Variants in NEXMIF observed in about 807,000 individuals in gnomAD.
NEXMIF encodes XLMR protein related to neurite extension.
Under a neutral mutation model 62.1 loss-of-function variants are expected in NEXMIF, and 8 were observed. That is an observed-to-expected ratio of 0.13 (90% CI 0.08 to 0.23). The LOEUF (loss-of-function observed/expected upper bound fraction) is 0.23. Among genes scored for constraint, NEXMIF ranks in the 10% least tolerant of loss-of-function variants. NEXMIF has a pLI of 1.00. For synonymous variants in NEXMIF, 404 were observed against 416.6 expected (o/e 0.97, Z 0.37); for missense variants, 976 against 1,113.3 (o/e 0.88, Z 1.75).
At chrX:74,810,801 G>A (rs1253356840) in intron 1 of NEXMIF, among the ~76,000 whole-genome samples, 1 of 111,181 alleles carries the variant, frequency 9.0e-6, no homozygotes, top group Non-Finnish European at 1.9e-5. Context: ...TAATATGAAT[G>A]AAGGTTACCA....
Position 74,915,034 on chromosome X carries a change from C to A in NEXMIF, c.-48+9849G>T, listed in dbSNP as rs191505613. 3.0e-3 allele frequency among the ~76,000 whole-genome samples: 335 copies of A among 111,766 alleles called. 1 individual carries two copies. The highest frequency in any genetic ancestry group is 0.01 in the African/African-American group (308 of 30,777). On this transcript the variant is annotated intron_variant, in intron 1 of 3. Coordinates refer to ENST00000055682, the MANE Select transcript of NEXMIF (RefSeq NM_001008537.3). The stretch of plus-strand genomic sequence containing the variant: ...ATTGGTGATTGCAAGTTTGATATGG[C>A]AAAGGAGTGGGGGTGAATTACAAAG...
chrX:74,877,430 C>A (rs982175581), intron 1 of NEXMIF, among the ~76,000 whole-genome samples: 10 of 111,202 alleles, frequency 9.0e-5, no homozygotes, highest in African/African-American at 3.3e-4. Context: ...AGCATTTTTT[C>A]CTTAATTTCA....
chrX:74,878,298 C>CTCAGGGG (rs1176420344), intron 1 of NEXMIF, among the ~76,000 whole-genome samples: 1 of 111,994 alleles, frequency 8.9e-6, no homozygotes, highest in Non-Finnish European at 1.9e-5. Context: ...AGTTAGGCTG[C>CTCAGGGG]TCAGGGGTCA....
At chrX:74,798,668 G>T (rs1477450480) in intron 1 of NEXMIF, among the ~76,000 whole-genome samples, 1 of 111,862 alleles carries the variant, frequency 8.9e-6, no homozygotes, top group Admixed American at 9.5e-5. Context: ...TAGAGTATAG[G>T]CCTTTTATTT....
intron 1 of NEXMIF, among the ~76,000 whole-genome samples, chrX:74,762,982 C>T (rs1370722865): frequency 8.9e-6 from 1 of 111,933 alleles, no homozygotes; most frequent in African/African-American, 3.2e-5. Flanking sequence ...TAGATACCAT[C>T]TATCAATTTT....
intron 1 of NEXMIF, among the ~76,000 whole-genome samples, chrX:74,788,971 TATTTA>T (rs2080269095): frequency 9.1e-6 from 1 of 110,373 alleles, no homozygotes; most frequent in Admixed American, 9.7e-5. Flanking sequence ...TTTATTTATT[TATTTA>T]TTTTTATTTT....
chrX:74,881,974 C>A (rs755713234), intron 1 of NEXMIF, among the ~76,000 whole-genome samples: 1 of 111,471 alleles, frequency 9.0e-6, no homozygotes, highest in Non-Finnish European at 1.9e-5. Flanking sequence ...CATAGTCTCC[C>A]ATGTAGTGTT....
chrX:74,843,954 G>T (rs1470213117), intron 1 of NEXMIF, among the ~76,000 whole-genome samples: 1 of 112,083 alleles, frequency 8.9e-6, no homozygotes, highest in Non-Finnish European at 1.9e-5. Context: ...CTTCTTTCAA[G>T]ATCTCTTGTA....
intron 1 of NEXMIF, among the ~76,000 whole-genome samples, chrX:74,750,818 T>C (rs2080139731): frequency 8.9e-6 from 1 of 111,746 alleles, no homozygotes; most frequent in South Asian, 3.7e-4. Flanking sequence ...GTTTTAACAA[T>C]ATTAAGGGTG....
intron 1 of NEXMIF, among the ~76,000 whole-genome samples, chrX:74,837,735 G>T (rs1434078312): frequency 1.8e-5 from 2 of 111,937 alleles, no homozygotes; most frequent in African/African-American, 6.5e-5. Context: ...AACAAGAACA[G>T]CAATACAGGT....
intron 1 of NEXMIF, among the ~76,000 whole-genome samples, chrX:74,847,502 T>C (rs1171470807): frequency 3.6e-5 from 4 of 112,132 alleles, no homozygotes; most frequent in African/African-American, 1.3e-4. Context: ...CTAAGCAACA[T>C]ACTGGAGGGT....
In NEXMIF at chrX:74,796,160, T is replaced by TA. The variant is rs1384650941; in HGVS notation, c.-47-50464dup. Among the ~76,000 whole-genome samples, 87 of 49,393 alleles carry TA rather than the reference T, an allele frequency of 1.8e-3. 1 individual carries two copies. The highest frequency in any genetic ancestry group is 5.0e-3 in the African/African-American group (81 of 16,265). The allele number at this position is 49,393 out of a possible 115,157, so 42.9% of individuals were successfully genotyped here. On this transcript the variant is annotated intron_variant, in intron 1 of 3. Coordinates refer to ENST00000055682, the MANE Select transcript of NEXMIF (RefSeq NM_001008537.3). ...TATATATATTATATATATACATATA[T>TA]ATTATATATATTATATATATACATA...
chrX:74,917,097 G>T (rs913671044), intron 1 of NEXMIF, among the ~76,000 whole-genome samples: 1 of 111,832 alleles, frequency 8.9e-6, no homozygotes, highest in Non-Finnish European at 1.9e-5. Context: ...ATATGGTTTG[G>T]ATTTGTGTCC....
At chrX:74,849,671 T>C (rs2080506239) in intron 1 of NEXMIF, among the ~76,000 whole-genome samples, 1 of 112,665 alleles carries the variant, frequency 8.9e-6, no homozygotes, top group Non-Finnish European at 1.9e-5. Context: ...ACCACTGCTG[T>C]CTGGTGCATC....
chrX:74,861,065 C>G (rs963116394), intron 1 of NEXMIF, among the ~76,000 whole-genome samples: 4 of 111,622 alleles, frequency 3.6e-5, no homozygotes, highest in Non-Finnish European at 7.5e-5. Context: ...AAAAGGATGT[C>G]CTAACCCAAA....
chrX:74,796,135 T>TATATATATTATATATATAC lies in NEXMIF; in HGVS notation c.-47-50457_-47-50439dup, dbSNP rs1436793283. Among the ~76,000 whole-genome samples, 4 of 75,239 alleles carry TATATATATTATATATATAC rather than the reference T, an allele frequency of 5.3e-5. No individual in the cohort carries two copies. The East Asian group carries it at 1.6e-3, about 29-fold the overall frequency. The allele number at this position is 75,239 out of a possible 115,157, so 65.3% of individuals were successfully genotyped here. A position where few individuals can be genotyped will look rare whatever the true frequency, so the allele number is the denominator to read the frequency against. ...ATATTATATATATATTTATATATAATATATATATTATATATATACATATAT... is the reference window on the plus strand; with the variant it reads ...ATATTATATATATATTTATATATAATATATATATTATATATATACATATATATTATATATATACATATAT... On this transcript the variant is annotated intron_variant, in intron 1 of 3. Transcript: ENST00000055682.
rs55839741 is a variant in NEXMIF, at chrX:74,810,635, C to CAA, written c.-47-64940_-47-64939dup. 5.0e-3 allele frequency among the ~76,000 whole-genome samples: 367 copies of CAA among 72,813 alleles called. 2 individuals carry two copies. Among genetic ancestry groups the CAA allele is most frequent in the Middle Eastern group, 6.4e-3 (1 of 157 alleles). 63.2% of individuals were successfully genotyped at this position (72,813 alleles called of 115,157 possible). ...GCAACATGGCAAAACCCTCCCTCTA[C>CAA]AAAAAAAAAAAAAAAGGAAATCTGT... On this transcript the variant is annotated intron_variant, in intron 1 of 3. Transcript: ENST00000055682.
chrX:74,893,263 A>G (rs188468166), intron 1 of NEXMIF, among the ~76,000 whole-genome samples: 6 of 112,848 alleles, frequency 5.3e-5, no homozygotes, highest in Admixed American at 4.7e-4. Flanking sequence ...TTAAATTATC[A>G]TTCAAGAAGC....
chrX:74,915,297 A>G lies in NEXMIF; in HGVS notation c.-48+9586T>C, dbSNP rs189000072. On this transcript the variant is annotated intron_variant, in intron 1 of 3. Coordinates refer to ENST00000055682, the MANE Select transcript of NEXMIF (RefSeq NM_001008537.3). ...ACAAAACTAAAAATAAATAAAAAACACAAATATACACATGTGATAAAGTGA... is the reference window on the plus strand; with the variant it reads ...ACAAAACTAAAAATAAATAAAAAACGCAAATATACACATGTGATAAAGTGA... Among the ~76,000 whole-genome samples the G allele has an allele frequency of 6.2e-5, 7 of 112,085 alleles. No individual in the cohort carries two copies. In the East Asian group the frequency reaches 2.0e-3, roughly 31 times the overall value.
Sources: allele counts gnomAD v4.1 joint callset (sites outside exome capture counted in the v4.1 genomes callset), GRCh38; gene constraint gnomAD v4.1.1; transcripts MANE v1.5; gene names NCBI Gene and HGNC (gene_info 2026-07-23, HGNC 2026-07-21).